The following CNTN5 variants were observed in gnomAD, a reference collection of about 807,000 sequenced individuals.
CNTN5 encodes contactin-5.
Under a neutral mutation model 129.1 loss-of-function variants are expected in CNTN5, and 77 were observed. That is an observed-to-expected ratio of 0.60 (90% CI 0.50 to 0.72). The LOEUF is 0.72. Among genes scored for constraint, CNTN5 ranks in the 30% least tolerant of loss-of-function variants. The pLI is 0.00. For synonymous variants in CNTN5, 509 were observed against 465.6 expected (o/e 1.09, Z -1.20); for missense variants, 1,478 against 1,328.8 (o/e 1.11, Z -1.75).
At chr11:99,035,323 C>T (rs1295729308) in intron 1 of CNTN5, among the ~76,000 whole-genome samples, 2 of 151,284 alleles carry the variant, frequency 1.3e-5, no homozygotes, top group African/African-American at 4.9e-5. Flanking sequence ...CCTGGGTATC[C>T]TTGTTGACTT....
chr11:99,658,813 A>G lies in CNTN5; in HGVS notation c.55+102544A>G, dbSNP rs563681340. Among the ~76,000 whole-genome samples the G allele has an allele frequency of 3.4e-5, 5 of 146,230 alleles. No individual in the cohort carries two copies. The East Asian group carries it at 1.0e-3, about 30-fold the overall frequency. ...TGAGGCAGGAGAATTGCTTGAACCC[A>G]GGAGGTGGAGGATGCAGTGGGCCAA... On this transcript the variant is annotated intron_variant, in intron 3 of 24. Coordinates refer to ENST00000524871, the MANE Select transcript of CNTN5 (RefSeq NM_014361.4).
intron 9 of CNTN5, among the ~76,000 whole-genome samples, chr11:100,039,457 T>A (rs1942244204): frequency 6.6e-6 from 1 of 152,162 alleles, no homozygotes; most frequent in Non-Finnish European, 1.5e-5. Flanking sequence ...TTGGAGTTGC[T>A]CTTCTCGAGG....
intron 3 of CNTN5, among the ~76,000 whole-genome samples, chr11:99,672,793 T>C (rs1235388762): frequency 1.3e-5 from 2 of 151,950 alleles, no homozygotes; most frequent in African/African-American, 4.8e-5. Flanking sequence ...TAGTTACCAT[T>C]CTTTCTTTAG....
At chr11:99,556,732 T>A (rs1948686838) in intron 3 of CNTN5, among the ~76,000 whole-genome samples, 1 of 150,324 alleles carries the variant, frequency 6.7e-6, no homozygotes, top group Non-Finnish European at 1.5e-5. Context: ...TAAAACAGAA[T>A]CAGGTTAGCT....
intron 10 of CNTN5, among the ~76,000 whole-genome samples, chr11:100,067,993 T>C (rs1943761234): frequency 6.6e-6 from 1 of 152,164 alleles, no homozygotes; most frequent in Admixed American, 6.6e-5. Flanking sequence ...CAAATCTGTT[T>C]TTATTTAAAT....
intron 2 of CNTN5, among the ~76,000 whole-genome samples, chr11:99,508,608 A>G (rs7925951): frequency 0.23 from 34,601 of 152,086 alleles, 4,294 homozygotes; most frequent in East Asian, 0.3. Flanking sequence ...TAAAATTACA[A>G]TCTTTAAAAA....
intron 2 of CNTN5, among the ~76,000 whole-genome samples, chr11:99,523,832 A>C (rs1947383544): frequency 6.6e-6 from 1 of 152,164 alleles, no homozygotes; most frequent in Non-Finnish European, 1.5e-5. Flanking sequence ...GAGACTCAAC[A>C]AATGCCAAGT....
At chr11:100,328,351 A>AAAATGAGACCGTGTCTC (rs1179565700) in intron 21 of CNTN5, among the ~76,000 whole-genome samples, 3 of 152,266 alleles carry the variant, frequency 2.0e-5, no homozygotes, top group East Asian at 1.9e-4. Context: ...CAGGACAAAT[A>AAAATGAGACCGTGTCTC]AAATGAGACC....
At chr11:99,886,850 A>T (rs936997863) in intron 6 of CNTN5, among the ~76,000 whole-genome samples, 1 of 152,220 alleles carries the variant, frequency 6.6e-6, no homozygotes, top group African/African-American at 2.4e-5. Flanking sequence ...TAAAATTCAA[A>T]TGTAAACAAT....
intron 2 of CNTN5, among the ~76,000 whole-genome samples, chr11:99,364,648 A>G (rs1355015545): frequency 6.6e-6 from 1 of 152,128 alleles, no homozygotes; most frequent in African/African-American, 2.4e-5. Flanking sequence ...TCGTGAAAAA[A>G]TTGATTGAAA....
intron 2 of CNTN5, among the ~76,000 whole-genome samples, chr11:99,358,286 G>T (rs1248009449): frequency 1.8e-5 from 1 of 56,936 alleles, no homozygotes; most frequent in African/African-American, 4.9e-5. Flanking sequence ...AGTAGAGATG[G>T]GGTTTCACCG....
chr11:99,026,871 C>G (rs1256171921), intron 1 of CNTN5, among the ~76,000 whole-genome samples: 4 of 151,484 alleles, frequency 2.6e-5, no homozygotes, highest in African/African-American at 9.7e-5. Context: ...CTATTCAAAT[C>G]AAATCCTTAT....
intron 3 of CNTN5, among the ~76,000 whole-genome samples, chr11:99,654,527 A>C (rs1336122035): frequency 6.6e-6 from 1 of 152,128 alleles, no homozygotes; most frequent in Non-Finnish European, 1.5e-5. Context: ...CAGAAATCAC[A>C]TTAAAAATGA....
chr11:99,284,417 T>C (rs1304564646), intron 1 of CNTN5, among the ~76,000 whole-genome samples: 1 of 152,120 alleles, frequency 6.6e-6, no homozygotes, highest in Non-Finnish European at 1.5e-5. Context: ...AAATCTATAG[T>C]ACCAGGTCTG....
chr11:99,944,387 C>T (rs1031488061), intron 7 of CNTN5, among the ~76,000 whole-genome samples: 1 of 151,986 alleles, frequency 6.6e-6, no homozygotes, highest in Admixed American at 6.6e-5. Flanking sequence ...CTATTTATGA[C>T]AAACCTATAG....
At chr11:99,638,363 C>G (rs668189) in intron 3 of CNTN5, among the ~76,000 whole-genome samples, 91,225 of 151,814 alleles carry the variant, frequency 0.6, 28,238 homozygotes, top group Admixed American at 0.69. Flanking sequence ...AATGGGGACA[C>G]AGCCAAACCA....
At chr11:99,072,145 G>A (rs1865364136) in intron 1 of CNTN5, among the ~76,000 whole-genome samples, 1 of 152,054 alleles carries the variant, frequency 6.6e-6, no homozygotes, top group Non-Finnish European at 1.5e-5. Context: ...GATTATAAAG[G>A]GTTTGGAATG....
At position 100,044,099 on chromosome 11, in the gene CNTN5, TAC is replaced by T. The variant is rs146072594; in HGVS notation, c.981-17096_981-17095del. Among the ~76,000 whole-genome samples, 174 of 140,906 alleles carry T rather than the reference TAC, an allele frequency of 1.2e-3. 1 individual carries two copies. The highest frequency in any genetic ancestry group is 3.6e-3 in the African/African-American group (135 of 37,776). The allele number at this position is 140,906 out of a possible 152,430, so 92.4% of individuals were successfully genotyped here. A position where few individuals can be genotyped will look rare whatever the true frequency, so the allele number is the denominator to read the frequency against. On this transcript the variant is annotated intron_variant, in intron 9 of 24. Coordinates refer to ENST00000524871, the MANE Select transcript of CNTN5 (RefSeq NM_014361.4). ...TGTCTATTATTCCACAGTGTATATA[TAC>T]ACACACACACACACACGTATAGACT...
chr11:100,256,723 A>C (rs533983628), intron 17 of CNTN5, among the ~76,000 whole-genome samples: 54 of 152,124 alleles, frequency 3.5e-4, no homozygotes, highest in African/African-American at 1.3e-3. Context: ...CCCCTAGCCA[A>C]GGGAAGCTGT....
Sources: allele counts gnomAD v4.1 joint callset (sites outside exome capture counted in the v4.1 genomes callset), GRCh38; gene constraint gnomAD v4.1.1; transcripts MANE v1.5; gene names NCBI Gene and HGNC (gene_info 2026-07-23, HGNC 2026-07-21).